The following GAREM1 variants were observed in gnomAD, a reference collection of about 807,000 sequenced individuals.
GAREM1 encodes GRB2 associated regulator of MAPK1 subtype 1.
Under a neutral mutation model 71.3 loss-of-function variants are expected in GAREM1, and 26 were observed. The observed-to-expected ratio is 0.36, with a 90% CI of 0.27 to 0.51. The LOEUF (loss-of-function observed/expected upper bound fraction) is 0.51, where lower values mean the gene tolerates loss of function less well. Ranked by LOEUF, GAREM1 falls within the 20% of genes least tolerant of loss-of-function variation. GAREM1 has a pLI of 0.95. For synonymous variants in GAREM1, 440 were observed against 433.2 expected, an observed-to-expected ratio of 1.02 and a Z score of -0.20; for missense variants, 1,026 against 1,103.1, an observed-to-expected ratio of 0.93 and a Z score of 0.99.
intron 1 of GAREM1, among the ~76,000 whole-genome samples, chr18:32,463,714 C>T (rs943444108): frequency 3.3e-5 from 5 of 151,752 alleles, no homozygotes; most frequent in Admixed American, 2.0e-4. Context: ...GGACTACAGG[C>T]ACATGCCACC....
intron 3 of GAREM1, among the ~76,000 whole-genome samples, chr18:32,288,825 G>A (rs1357290793): frequency 1.3e-5 from 2 of 152,036 alleles, no homozygotes; most frequent in African/African-American, 4.8e-5. Flanking sequence ...TCTGTTACCT[G>A]AGTTTCTAAC....
intron 1 of GAREM1, among the ~76,000 whole-genome samples, chr18:32,398,714 T>C (rs2048282229): frequency 6.6e-6 from 1 of 152,126 alleles, no homozygotes; most frequent in South Asian, 2.1e-4. Flanking sequence ...CCAGATGGAT[T>C]CACAGCTGAA....
At chr18:32,459,316 T>C (rs1486090032) in intron 1 of GAREM1, among the ~76,000 whole-genome samples, 2 of 151,982 alleles carry the variant, frequency 1.3e-5, no homozygotes, top group South Asian at 2.1e-4. Flanking sequence ...CTCTGTGTTG[T>C]ATAAGCCGCT....
intron 1 of GAREM1, among the ~76,000 whole-genome samples, chr18:32,423,623 A>G (rs2048542985): frequency 6.6e-6 from 1 of 152,186 alleles, no homozygotes; most frequent in Non-Finnish European, 1.5e-5. Context: ...TTACCACCTC[A>G]CAACTGTGTA....
intron 3 of GAREM1, among the ~76,000 whole-genome samples, chr18:32,289,936 C>T (rs1379078187): frequency 1.3e-5 from 2 of 151,940 alleles, no homozygotes; most frequent in Non-Finnish European, 2.9e-5. Context: ...ACCACTAGCC[C>T]AACAGGGAAT....
chr18:32,398,453 A>G (rs1338711865), intron 1 of GAREM1, among the ~76,000 whole-genome samples: 1 of 152,220 alleles, frequency 6.6e-6, no homozygotes, highest in African/African-American at 2.4e-5. Context: ...GAGAAGAATC[A>G]AATAGACGCA....
intron 2 of GAREM1, among the ~76,000 whole-genome samples, chr18:32,313,124 C>T (rs2047340162): frequency 6.6e-6 from 1 of 152,062 alleles, no homozygotes. Context: ...CATAAAGTAG[C>T]CAGAGATTCA....
chr18:32,371,766 GA>G (rs1470899700), intron 2 of GAREM1, among the ~76,000 whole-genome samples: 2 of 152,246 alleles, frequency 1.3e-5, no homozygotes, highest in African/African-American at 2.4e-5. Context: ...GAGCTCAGAG[GA>G]AAACTAGGTG....
chr18:32,330,363 G>A (rs1336171941), intron 2 of GAREM1, among the ~76,000 whole-genome samples: 2 of 152,146 alleles, frequency 1.3e-5, no homozygotes, highest in Non-Finnish European at 2.9e-5. Flanking sequence ...TAGTTGTGGG[G>A]GGAGGGAAGG....
intron 4 of GAREM1, among the ~76,000 whole-genome samples, chr18:32,285,637 C>T (rs75729388): frequency 1.3e-5 from 2 of 152,314 alleles, no homozygotes; most frequent in African/African-American, 4.8e-5. Flanking sequence ...TCATTCATCC[C>T]GCGACTAGAA....
intron 1 of GAREM1, among the ~76,000 whole-genome samples, chr18:32,429,653 T>C (rs192495608): frequency 7.5e-4 from 115 of 152,334 alleles, no homozygotes; most frequent in African/African-American, 2.5e-3. Flanking sequence ...AGAAAGTGCT[T>C]CAGCTTGCCG....
intron 2 of GAREM1, among the ~76,000 whole-genome samples, chr18:32,320,853 T>C (rs1251709259): frequency 6.6e-6 from 1 of 152,242 alleles, no homozygotes; most frequent in Non-Finnish European, 1.5e-5. Flanking sequence ...TCTTCAGAAT[T>C]ACCAGAAGTT....
chr18:32,388,881 G>A (rs1162409829), intron 2 of GAREM1, among the ~76,000 whole-genome samples: 9 of 152,142 alleles, frequency 5.9e-5, no homozygotes. Flanking sequence ...CTGGAACATG[G>A]ACAGTAGATT....
At position 32,267,162 on chromosome 18, in the gene GAREM1, G is replaced by A. The variant is rs2041384565; in HGVS notation, c.*709C>T. ...CAAAATTATGTGTAAAACATATCCG[G>A]GTGTATTGTGTATGCACCTATACAT... On this transcript the variant is annotated 3_prime_UTR_variant, in exon 6 of 6. Coordinates refer to ENST00000269209, the MANE Select transcript of GAREM1 (RefSeq NM_001242409.2). 6.6e-6 allele frequency: 1 copy of A among 151,954 alleles called. No homozygotes were observed. Among genetic ancestry groups the A allele is most frequent in the Admixed American group, 6.6e-5 (1 of 15,256 alleles). The allele number at this position is 151,954 out of a possible 1,614,324, so 9.4% of individuals were successfully genotyped here. A position where few individuals can be genotyped will look rare whatever the true frequency, so the allele number is the denominator to read the frequency against.
chr18:32,270,111 C>T lies in GAREM1; in HGVS notation c.1733+106G>A, dbSNP rs906147882. ...TTAGAAAATTAAAAAGCCATTTCCT[C>T]TCCCACCACCCTGCCTGTTAGGGCT... On this transcript the variant is annotated intron_variant, in intron 5 of 5. Coordinates refer to ENST00000269209, the MANE Select transcript of GAREM1 (RefSeq NM_001242409.2). 4.2e-6 allele frequency: 5 copies of T among 1,182,310 alleles called. No individual in the cohort carries two copies. In the Admixed American group the frequency reaches 7.8e-5, roughly 19 times the overall value. 73.2% of individuals were successfully genotyped at this position (1,182,310 alleles called of 1,614,324 possible).
chr18:32,322,677 G>A (rs753595358), intron 2 of GAREM1, among the ~76,000 whole-genome samples: 6 of 152,130 alleles, frequency 3.9e-5, no homozygotes, highest in Non-Finnish European at 8.8e-5. Flanking sequence ...TCAATACTGG[G>A]CAAGACACAC....
chr18:32,427,150 T>A (rs1057251045), intron 1 of GAREM1, among the ~76,000 whole-genome samples: 1 of 152,152 alleles, frequency 6.6e-6, no homozygotes, highest in African/African-American at 2.4e-5. Context: ...GCCATATACA[T>A]TTGCACTGCA....
intron 2 of GAREM1, among the ~76,000 whole-genome samples, chr18:32,359,959 A>G (rs2047849290): frequency 6.6e-6 from 1 of 151,824 alleles, no homozygotes; most frequent in African/African-American, 2.4e-5. Context: ...TAAATAAAAA[A>G]TTGAATAAAT....
At chr18:32,408,596 T>C (rs888769812) in intron 1 of GAREM1, among the ~76,000 whole-genome samples, 4 of 152,166 alleles carry the variant, frequency 2.6e-5, no homozygotes, top group Non-Finnish European at 5.9e-5. Context: ...GGAAAGCCAC[T>C]GCACAGACTG....
Sources: allele counts gnomAD v4.1 joint callset (sites outside exome capture counted in the v4.1 genomes callset), GRCh38; gene constraint gnomAD v4.1.1; transcripts MANE v1.5; gene names NCBI Gene and HGNC (gene_info 2026-07-23, HGNC 2026-07-21).